The following MORN2 variants were observed in gnomAD, a reference collection of about 807,000 sequenced individuals.
MORN2 encodes the protein MORN repeat-containing protein 2.
A neutral mutation model predicts 13.4 loss-of-function variants in MORN2; 15 were observed. The observed-to-expected ratio is 1.12, with a 90% CI of 0.75 to 1.72. The LOEUF is 1.72. MORN2 is among the 40% of genes most tolerant of loss of function. The probability of loss-of-function intolerance (pLI) is 0.00; values close to 1 mark genes in which losing one functional copy is unlikely to be tolerated. For missense variants in MORN2, 168 were observed against 134.6 expected (o/e 1.25, Z -1.23); for synonymous variants, 46 against 43.6 (o/e 1.06, Z -0.22).
chr2:38,876,279 T>A (rs1229694888), intron 1 of MORN2, 169 bp downstream of exon 1: 3 of 395,298 alleles, frequency 7.6e-6, no homozygotes, highest in African/African-American at 6.2e-5. Context: ...AATCTAGCTC[T>A]GATTCTGTTG....
At chr2:38,881,376 C>T (rs1665774077) in intron 3 of MORN2, 66 bp from the exon 4 acceptor site, 11 of 1,399,130 alleles carry the variant, frequency 7.9e-6, no homozygotes, top group Middle Eastern at 3.6e-4. Flanking sequence ...TATATTTGTA[C>T]ATTTTTTAAA....
intron 1 of MORN2, among the ~76,000 whole-genome samples, chr2:38,878,245 T>C (rs1558416211): frequency 6.6e-6 from 1 of 152,198 alleles, no homozygotes; most frequent in Non-Finnish European, 1.5e-5. Flanking sequence ...TCCTTTGTAG[T>C]TTATTGTAGG....
At chr2:38,879,543 A>C (rs1034175445) in intron 1 of MORN2, among the ~76,000 whole-genome samples, 1 of 152,152 alleles carries the variant, frequency 6.6e-6, no homozygotes, top group African/African-American at 2.4e-5. Context: ...AAAGGACCAC[A>C]TATTATATGA....
In MORN2 at chr2:38,879,724, A is replaced by C. The variant is rs1230518148; in HGVS notation, c.59-455A>C. ...GGGATGATTAAAATATTCTAAAATT[A>C]GATTGTGATGATAGTTGCACAACTC... On this transcript the variant is annotated intron_variant, in intron 1 of 4. Transcript: ENST00000644631. Among the ~76,000 whole-genome samples, 4 of 152,178 alleles carry C rather than the reference A, an allele frequency of 2.6e-5. No individual in the cohort carries two copies. In the East Asian group the frequency reaches 7.7e-4, roughly 29 times the overall value.
At chr2:38,880,945 A>C (rs1024378806) in intron 3 of MORN2, among the ~76,000 whole-genome samples, 1 of 152,176 alleles carries the variant, frequency 6.6e-6, no homozygotes, top group African/African-American at 2.4e-5. Flanking sequence ...CCGTTACATA[A>C]TTTTCTCATT....
chr2:38,879,841 A>C (rs1387224997), intron 1 of MORN2, among the ~76,000 whole-genome samples: 2 of 152,226 alleles, frequency 1.3e-5, no homozygotes, highest in Admixed American at 1.3e-4. Context: ...ATAATAAATA[A>C]ATTTTAAAAG....
rs61743055 is a variant in MORN2, at chr2:38,876,107, C to T, written c.55C>T (p.Pro19Ser). ...GGAAGATCTCTCTAACACCTCTCGG[C>T]CAAGTGAGTGTCCCTCCTCCTAACG... The change falls in exon 1 of 5, where the codon CCA becomes TCA. Residue 19 changes from proline to serine, a missense_variant. Coordinates refer to ENST00000644631, the MANE Select transcript of MORN2 (RefSeq NM_001145450.3). 653 of 398,722 alleles carry T rather than the reference C, an allele frequency of 1.6e-3. No individual in the cohort carries two copies. The highest frequency in any genetic ancestry group is 2.3e-3 in the Non-Finnish European group (524 of 226,158). The allele number at this position is 398,722 out of a possible 1,614,324, so 24.7% of individuals were successfully genotyped here.
rs1465519387 is a variant in MORN2, at chr2:38,880,936, C to T, written c.216+230C>T. ...CCTATTCATTGAGTAAAGCTGAATC[C>T]GTTACATAATTTTCTCATTTAATCC... On this transcript the variant is annotated intron_variant, in intron 3 of 4. Coordinates refer to ENST00000644631, the MANE Select transcript of MORN2 (RefSeq NM_001145450.3). Among the ~76,000 whole-genome samples, 9 of 152,084 alleles carry T rather than the reference C, an allele frequency of 5.9e-5. 1 individual carries two copies. The highest frequency in any genetic ancestry group is 1.9e-4 in the East Asian group (1 of 5,194).
In MORN2 at chr2:38,880,682, C is replaced by T. The variant is rs1357447429; in HGVS notation, c.192C>T (p.Tyr64=). The T allele has an allele frequency of 1.3e-6, 2 of 1,549,902 alleles. No homozygotes were observed. Among genetic ancestry groups the T allele is most frequent in the East Asian group, 2.4e-5 (1 of 40,880 alleles). The change falls in exon 3 of 5, where the codon TAC becomes TAT. Residue 64 remains tyrosine (Y), a synonymous_variant. Transcript: ENST00000644631. Reference sequence around the variant, plus strand: ...ATACCACTCCTAATGGGATTGTCTACACAGGAAGCTGGAAAGATGACAAGG... The same window carrying T: ...ATACCACTCCTAATGGGATTGTCTATACAGGAAGCTGGAAAGATGACAAGG...
intron 1 of MORN2, among the ~76,000 whole-genome samples, chr2:38,877,646 T>G (rs987836710): frequency 6.6e-6 from 1 of 152,150 alleles, no homozygotes; most frequent in Non-Finnish European, 1.5e-5. Context: ...TTTTTCTTTT[T>G]GAGTTTTTAA....
chr2:38,882,271 G>T, intron 4 of MORN2, 142 bp from the exon 5 acceptor site: 18 of 163,828 alleles, frequency 1.1e-4, no homozygotes, highest in South Asian at 6.3e-4. Context: ...GGATATGAAA[G>T]CAGGATGCTG....
chr2:38,882,389 A>C, intron 4 of MORN2, 24 bp from the exon 5 acceptor site: 2 of 1,462,796 alleles, frequency 1.4e-6, no homozygotes, highest in Non-Finnish European at 9.4e-7. Context: ...TTGTTAATGG[A>C]AAACTTATTT....
At position 38,880,676 on chromosome 2, in the gene MORN2, T is replaced by C. The variant is rs1243303189; in HGVS notation, c.186T>C (p.Ile62=). 1 of 1,550,122 alleles carries C rather than the reference T, an allele frequency of 6.5e-7. No individual in the cohort carries two copies. The highest frequency in any genetic ancestry group is 8.7e-7 in the Non-Finnish European group (1 of 1,146,816). Residue 62 remains isoleucine (I), a synonymous_variant, in exon 3 of 5, where the codon ATT becomes ATC. Coordinates refer to ENST00000644631, the MANE Select transcript of MORN2 (RefSeq NM_001145450.3). ...GTATTCATACCACTCCTAATGGGAT[T>C]GTCTACACAGGAAGCTGGAAAGATG...
chr2:38,879,114 A>C (rs1210818308), intron 1 of MORN2, among the ~76,000 whole-genome samples: 1 of 152,074 alleles, frequency 6.6e-6, no homozygotes, highest in Non-Finnish European at 1.5e-5. Context: ...TTCCAGTCTC[A>C]TTCTGTGTGG....
rs942249692 is a variant in MORN2, at chr2:38,882,535, T to C, written c.*20T>C. The C allele has an allele frequency of 2.6e-6, 4 of 1,513,000 alleles. No individual in the cohort carries two copies. Among genetic ancestry groups the C allele is most frequent in the South Asian group, 1.2e-5 (1 of 82,610 alleles). The allele number at this position is 1,513,000 out of a possible 1,614,324, so 93.7% of individuals were successfully genotyped here. A position where few individuals can be genotyped will look rare whatever the true frequency, so the allele number is the denominator to read the frequency against. On this transcript the variant is annotated 3_prime_UTR_variant, in exon 5 of 5. Transcript: ENST00000644631. ...ATGTAGATGTGATGTTAAATTAAAG[T>C]TGAAATGTAGTAATTGAAGCTTTTA...
intron 2 of MORN2, 35 bp from the exon 3 acceptor site, chr2:38,880,565 T>A (rs1447923258): frequency 1.4e-6 from 2 of 1,392,844 alleles, no homozygotes; most frequent in Non-Finnish European, 1.9e-6. Context: ...ATAACTATTC[T>A]CATTTATAAT....
rs765957044 is a variant in MORN2, at chr2:38,881,478, G to A, written c.253G>A (p.Ala85Thr). The A allele has an allele frequency of 6.4e-5, 99 of 1,540,698 alleles. No homozygotes were observed. The highest frequency in any genetic ancestry group is 8.5e-5 in the Non-Finnish European group (97 of 1,143,398). Residue 85 changes from alanine (A) to threonine (T), a missense_variant, in exon 4 of 5, where the codon GCA (alanine) becomes ACA (threonine). Coordinates refer to ENST00000644631, the MANE Select transcript of MORN2 (RefSeq NM_001145450.3). ...TGGAAGACTTGAGCATTTTTCAGGA[G>A]CAGTATATGAAGGACAATTTAAGGA...
intron 2 of MORN2, 32 bp downstream of exon 2, chr2:38,880,261 T>C (rs1158738447): frequency 2.5e-6 from 1 of 399,264 alleles, no homozygotes; most frequent in African/African-American, 2.1e-5. Flanking sequence ...TTTTTCTGTA[T>C]AGAAAATTAA....
Position 38,882,637 on chromosome 2 carries a change from T to C in MORN2, c.*122T>C, listed in dbSNP as rs2124969158. 1.7e-6 allele frequency: 1 copy of C among 604,308 alleles called. No individual in the cohort carries two copies. Among genetic ancestry groups the C allele is most frequent in the East Asian group, 2.9e-5 (1 of 35,022 alleles). 37.4% of individuals were successfully genotyped at this position (604,308 alleles called of 1,614,324 possible). A position where few individuals can be genotyped will look rare whatever the true frequency, so the allele number is the denominator to read the frequency against. The stretch of plus-strand genomic sequence containing the variant: ...CCCTATAAGTTTGCCAATAAAACCA[T>C]CACCTGCTTACACCTTTTTGAACTT... On this transcript the variant is annotated 3_prime_UTR_variant, in exon 5 of 5. Transcript: ENST00000644631.
Sources: allele counts gnomAD v4.1 joint callset (sites outside exome capture counted in the v4.1 genomes callset), GRCh38; gene constraint gnomAD v4.1.1; transcripts MANE v1.5; gene names NCBI Gene and HGNC (gene_info 2026-07-23, HGNC 2026-07-21).